PHF8: variants seen among roughly 807,000 people sequenced by gnomAD.
PHF8 encodes the protein histone lysine demethylase PHF8.
PHF8 carries 9 observed loss-of-function variants against 74.4 expected under a neutral mutation model. The observed-to-expected ratio is 0.12, with a 90% CI of 0.07 to 0.21. PHF8 has a LOEUF of 0.21. Ranked by LOEUF, PHF8 falls within the 10% of genes least tolerant of loss-of-function variation. The probability of loss-of-function intolerance (pLI) is 1.00; values close to 1 mark genes in which losing one functional copy is unlikely to be tolerated. For synonymous variants in PHF8, 311 were observed against 316.6 expected (o/e 0.98, Z 0.19); for missense variants, 478 against 816.6 (o/e 0.59, Z 5.05).
chrX:53,951,734 G>C lies in PHF8; in HGVS notation c.2540-7491C>G, dbSNP rs2064926480. On this transcript the variant is annotated intron_variant, in intron 19 of 21. Transcript: ENST00000338154. ...CCCAAAGTGCTGGGATTATAGGCTTGAGCCACTGTGCCCGGCCAACGACAA... is the reference window on the plus strand; with the variant it reads ...CCCAAAGTGCTGGGATTATAGGCTTCAGCCACTGTGCCCGGCCAACGACAA... Among the ~76,000 whole-genome samples, 4 of 110,598 alleles carry C rather than the reference G, an allele frequency of 3.6e-5. 1 individual carries two copies. The South Asian group carries it at 1.6e-3, about 43-fold the overall frequency.
At chrX:54,011,480 T>TAA (rs2149869142) in intron 7 of PHF8, among the ~76,000 whole-genome samples, 196 bp from the exon 8 acceptor site, 1 of 112,715 alleles carries the variant, frequency 8.9e-6, no homozygotes, top group Non-Finnish European at 1.9e-5. Flanking sequence ...TTTGTACTTT[T>TAA]AAGTTTCTAT....
rs142630105 is a variant in PHF8, at chrX:53,940,446, C to T, written c.2720G>A (p.Arg907His). The change falls in exon 21 of 22, where the codon CGC becomes CAC. Residue 907 changes from arginine to histidine, a missense_variant. By Grantham distance (29) the Arg-to-His change is conservative. Transcript: ENST00000338154. The stretch of plus-strand genomic sequence containing the variant: ...CAGACTGAGATTGGAGTCTTGAGGG[C>T]GAGGCTGTTCTACCTCCTTCAGCAA... The part of the protein sequence containing the change: ...KPLLKEVEQP[R>H]PQDSNLSLTV... The T allele has an allele frequency of 3.3e-3, 4,019 of 1,206,215 alleles. 10 individuals carry two copies. Among genetic ancestry groups the T allele is most frequent in the Non-Finnish European group, 4.2e-3 (3,733 of 892,395 alleles).
chrX:53,956,797 A>C (rs1252747018), intron 19 of PHF8, among the ~76,000 whole-genome samples: 1 of 110,995 alleles, frequency 9.0e-6, no homozygotes, highest in Non-Finnish European at 1.9e-5. Context: ...CAAAGGATGT[A>C]AACAAAATTT....
chrX:54,046,484 G>A (rs782256967), upstream of PHF8, among the ~76,000 whole-genome samples: 184 of 109,617 alleles, frequency 1.7e-3, no homozygotes, highest in Non-Finnish European at 1.5e-3. Flanking sequence ...ACAGGAGGCT[G>A]AGGCAGGAGA....
Position 53,967,508 on chromosome X carries a change from G to A in PHF8, c.2444-4569C>T, listed in dbSNP as rs868958845. On this transcript the variant is annotated intron_variant, in intron 18 of 21. Transcript: ENST00000338154. ...AGGGAGGTGGGGGGGTCAGCCCTCC[G>A]CCCAGCCAGCCGCCCCGTCCGGGAG... Among the ~76,000 whole-genome samples, 881 of 98,236 alleles carry A rather than the reference G, an allele frequency of 9.0e-3. 8 individuals carry two copies. The highest frequency in any genetic ancestry group is 0.031 in the African/African-American group (807 of 25,781). The allele number at this position is 98,236 out of a possible 115,157, so 85.3% of individuals were successfully genotyped here.
chrX:53,993,133 G>A (rs927313602), intron 13 of PHF8: 24 of 351,505 alleles, frequency 6.8e-5, no homozygotes, highest in African/African-American at 6.0e-4. Context: ...TGGAGCCCTG[G>A]TGGAGGGCTT....
At chrX:53,975,405 A>G (rs936131856) in intron 18 of PHF8, among the ~76,000 whole-genome samples, 1 of 112,604 alleles carries the variant, frequency 8.9e-6, no homozygotes, top group Non-Finnish European at 1.9e-5. Flanking sequence ...TATATCAAAG[A>G]GATATCTGCA....
At chrX:54,004,848 C>A (rs1173208482) in intron 8 of PHF8, among the ~76,000 whole-genome samples, 1 of 108,384 alleles carries the variant, frequency 9.2e-6, no homozygotes, top group Non-Finnish European at 1.9e-5. Context: ...CACTGGAACC[C>A]AGGAGGCAGA....
At chrX:53,967,197 T>C (rs2065210773) in intron 18 of PHF8, among the ~76,000 whole-genome samples, 1 of 100,571 alleles carries the variant, frequency 9.9e-6, no homozygotes, top group African/African-American at 3.8e-5. Context: ...GGGGCGCCTC[T>C]GCCCGGCCGC....
Position 53,958,115 on chromosome X carries a change from C to T in PHF8, c.2539+4729G>A, listed in dbSNP as rs782679439. Among the ~76,000 whole-genome samples the T allele has an allele frequency of 1.1e-3, 123 of 107,800 alleles. 1 individual carries two copies. The highest frequency in any genetic ancestry group is 1.8e-3 in the Non-Finnish European group (93 of 52,092). 93.6% of individuals were successfully genotyped at this position (107,800 alleles called of 115,157 possible). ...GGAGTGCAGTGGCAAAATCTCGGCTCACTGCAACCGCCACCTCCCGGGTTC... is the reference window on the plus strand; with the variant it reads ...GGAGTGCAGTGGCAAAATCTCGGCTTACTGCAACCGCCACCTCCCGGGTTC... On this transcript the variant is annotated intron_variant, in intron 19 of 21. Transcript: ENST00000338154.
At chrX:53,963,634 A>G (rs1458826056) in intron 18 of PHF8, among the ~76,000 whole-genome samples, 1 of 112,543 alleles carries the variant, frequency 8.9e-6, no homozygotes, top group African/African-American at 3.2e-5. Flanking sequence ...ATATGAAAAA[A>G]TACTCATCAT....
chrX:53,998,405 G>A (rs1469423056), intron 11 of PHF8, among the ~76,000 whole-genome samples: 1 of 111,472 alleles, frequency 9.0e-6, no homozygotes, highest in African/African-American at 3.3e-5. Context: ...AGTGAGCTGA[G>A]ATCGTGCCAC....
chrX:53,953,349 G>T, intron 19 of PHF8, among the ~76,000 whole-genome samples: 1 of 108,045 alleles, frequency 9.3e-6, no homozygotes, highest in Non-Finnish European at 1.9e-5. Flanking sequence ...GAATTAAAAT[G>T]GGATCCTAGG....
intron 19 of PHF8, among the ~76,000 whole-genome samples, chrX:53,945,328 C>T (rs1455269856): frequency 1.0e-5 from 1 of 100,493 alleles, no homozygotes; most frequent in African/African-American, 3.7e-5. Context: ...CTGGGCGACA[C>T]AGCAAGACTC....
Position 54,044,416 on chromosome X carries a change from G to A in PHF8, c.-747C>T. 3 of 753,654 alleles carry A rather than the reference G, an allele frequency of 4.0e-6. No homozygotes were observed. The highest frequency in any genetic ancestry group is 4.7e-6 in the Non-Finnish European group (3 of 638,197). 62.1% of individuals were successfully genotyped at this position (753,654 alleles called of 1,213,427 possible). The stretch of plus-strand genomic sequence containing the variant: ...GATAAACAGCTACCATGTTGAGAGT[G>A]GCGGCGCTACCCAGACAACCAAGGC... On this transcript the variant is annotated 5_prime_UTR_variant, in exon 1 of 22. Transcript: ENST00000338154.
At chrX:53,982,832 A>G (rs1557098441) in intron 18 of PHF8, among the ~76,000 whole-genome samples, 1 of 112,752 alleles carries the variant, frequency 8.9e-6, no homozygotes, top group African/African-American at 3.2e-5. Flanking sequence ...TAACTCCTAT[A>G]CAAGTTTTAG....
chrX:54,005,018 C>T (rs1307689384), intron 8 of PHF8, among the ~76,000 whole-genome samples: 3 of 110,063 alleles, frequency 2.7e-5, no homozygotes, highest in African/African-American at 9.9e-5. Flanking sequence ...AATGCAAAGA[C>T]AGAGAAACCG....
chrX:53,950,882 A>T (rs1391724486), intron 19 of PHF8, among the ~76,000 whole-genome samples: 1 of 112,315 alleles, frequency 8.9e-6, no homozygotes, highest in East Asian at 2.8e-4. Flanking sequence ...CAAGACATAC[A>T]AAGAAATAAA....
At chrX:53,965,332 A>G (rs1290245950) in intron 18 of PHF8, among the ~76,000 whole-genome samples, 2 of 112,590 alleles carry the variant, frequency 1.8e-5, no homozygotes, top group Non-Finnish European at 3.7e-5. Context: ...CTGGAGTCCA[A>G]TAAAAATCTC....
Sources: allele counts gnomAD v4.1 joint callset (sites outside exome capture counted in the v4.1 genomes callset), GRCh38; gene constraint gnomAD v4.1.1; transcripts MANE v1.5; gene names NCBI Gene and HGNC (gene_info 2026-07-23, HGNC 2026-07-21).